The following ARHGAP20 variants were observed in gnomAD, a reference collection of about 807,000 sequenced individuals.
The protein encoded by ARHGAP20 is rho GTPase-activating protein 20.
In ARHGAP20, 34 loss-of-function variants were observed where a neutral mutation model predicts 73.7. That is an observed-to-expected ratio of 0.46 (90% CI 0.35 to 0.61). The LOEUF is 0.61. ARHGAP20 is among the 20% of genes least tolerant of loss of function. ARHGAP20 has a pLI of 0.00. For missense variants in ARHGAP20, 1,314 were observed against 1,420.9 expected, an observed-to-expected ratio of 0.92 and a Z score of 1.21; for synonymous variants, 523 against 518.2, an observed-to-expected ratio of 1.01 and a Z score of -0.13.
intron 2 of ARHGAP20, among the ~76,000 whole-genome samples, chr11:110,637,622 T>C (rs754331162): frequency 6.6e-6 from 1 of 152,116 alleles, no homozygotes; most frequent in Non-Finnish European, 1.5e-5. Flanking sequence ...GTACCAGCCA[T>C]GTGCCAGGCA....
rs1948837403 is a variant in ARHGAP20, at chr11:110,630,499, A to C, written c.353+129T>G. The C allele has an allele frequency of 2.5e-5, 25 of 1,007,564 alleles. No individual in the cohort carries two copies. In the South Asian group the frequency reaches 4.2e-4, roughly 17 times the overall value. 62.4% of individuals were successfully genotyped at this position (1,007,564 alleles called of 1,614,324 possible). A position where few individuals can be genotyped will look rare whatever the true frequency, so the allele number is the denominator to read the frequency against. On this transcript the variant is annotated intron_variant, in intron 3 of 14. Coordinates refer to ENST00000683387, the MANE Select transcript of ARHGAP20 (RefSeq NM_001384657.1). The stretch of plus-strand genomic sequence containing the variant: ...TTTTTTTTTGCAATGAAGGGCATAA[A>C]ATCACTTTAGATATTACCTATAGTA...
Position 110,608,975 on chromosome 11 carries a change from A to G in ARHGAP20, c.775+9T>C. On this transcript the variant is annotated intron_variant, in intron 8 of 14. Transcript: ENST00000683387. Reference sequence around the variant, plus strand: ...ATCAATGCTATCTTAGACTTTTGCAAAAACTTACCAATGAGTGGGTATGGA... The same window carrying G: ...ATCAATGCTATCTTAGACTTTTGCAGAAACTTACCAATGAGTGGGTATGGA... 2 of 1,612,266 alleles carry G rather than the reference A, an allele frequency of 1.2e-6. No homozygotes were observed. Among genetic ancestry groups the G allele is most frequent in the South Asian group, 1.1e-5 (1 of 90,750 alleles).
intron 3 of ARHGAP20, among the ~76,000 whole-genome samples, chr11:110,627,233 T>C (rs1172988201): frequency 6.6e-6 from 1 of 152,002 alleles, no homozygotes. Context: ...GGATTATAGG[T>C]GCCTGCCACT....
At chr11:110,677,056 A>C (rs934212350) in intron 2 of ARHGAP20, among the ~76,000 whole-genome samples, 1 of 152,200 alleles carries the variant, frequency 6.6e-6, no homozygotes, top group African/African-American at 2.4e-5. Context: ...ATAAATACAA[A>C]ATACAGAATG....
In ARHGAP20 at chr11:110,580,382, C is replaced by T. The variant is rs148615316; in HGVS notation, c.2564G>A (p.Arg855His). 30 of 1,614,220 alleles carry T rather than the reference C, an allele frequency of 1.9e-5. No homozygotes were observed. The highest frequency in any genetic ancestry group is 1.5e-4 in the African/African-American group (11 of 75,056). ...CSEPNIEDQN[R>H]KLTYLRGIYS... ...AATTCCCCTGAGATAGGTCAGCTTG[C>T]GGTTCTGGTCTTCTATGTTGGGCTC... Residue 855 changes from arginine to histidine, a missense_variant, in exon 15 of 15, where the codon CGC becomes CAC. This residue lies in a region of ARHGAP20 where 641 missense variants were observed against 636.9 expected (regional missense o/e 1.01). Transcript: ENST00000683387.
Position 110,579,874 on chromosome 11 carries a change from A to G in ARHGAP20, c.3072T>C (p.His1024=). 1 of 1,614,246 alleles carries G rather than the reference A, an allele frequency of 6.2e-7. No individual in the cohort carries two copies. Among genetic ancestry groups the G allele is most frequent in the Non-Finnish European group, 8.5e-7 (1 of 1,180,048 alleles). Residue 1024 remains histidine, a synonymous_variant, in exon 15 of 15, where the codon CAT becomes CAC. Coordinates refer to ENST00000683387, the MANE Select transcript of ARHGAP20 (RefSeq NM_001384657.1). ...GAAGAGTTACAGAATGCATTTGTGA[A>G]TGCCACTCCATGGTGTCCTTCTTTG... ...AYTKKDTMEW[H]SQMHSVTLHP...
At chr11:110,675,189 C>G (rs976547637) in intron 2 of ARHGAP20, among the ~76,000 whole-genome samples, 2 of 152,150 alleles carry the variant, frequency 1.3e-5, no homozygotes, top group African/African-American at 2.4e-5. Context: ...TTTGATAGAG[C>G]CAGTTTTCAA....
chr11:110,668,346 G>GT (rs985793959), intron 2 of ARHGAP20, among the ~76,000 whole-genome samples: 1 of 152,098 alleles, frequency 6.6e-6, no homozygotes, highest in Non-Finnish European at 1.5e-5. Context: ...TATACAAATT[G>GT]TTTTTTAAAG....
In ARHGAP20 at chr11:110,577,260, T is replaced by C. The variant is rs1174767911; in HGVS notation, c.*2110A>G. On this transcript the variant is annotated 3_prime_UTR_variant, in exon 15 of 15. Coordinates refer to ENST00000683387, the MANE Select transcript of ARHGAP20 (RefSeq NM_001384657.1). ...TTAGATAAAGCATCAGTCTAATATA[T>C]TATAGATTGATGGAGTATAATAAAA... The C allele has an allele frequency of 1.4e-6, 2 of 1,436,818 alleles. No individual in the cohort carries two copies. Among genetic ancestry groups the C allele is most frequent in the East Asian group, 5.1e-5 (2 of 39,156 alleles). 89.0% of individuals were successfully genotyped at this position (1,436,818 alleles called of 1,614,324 possible). A position where few individuals can be genotyped will look rare whatever the true frequency, so the allele number is the denominator to read the frequency against.
intron 9 of ARHGAP20, among the ~76,000 whole-genome samples, chr11:110,599,653 T>G (rs558324908): frequency 6.6e-6 from 1 of 152,306 alleles, no homozygotes; most frequent in East Asian, 1.9e-4. Flanking sequence ...TTTCTGGGTC[T>G]GCCCATGGCT....
chr11:110,633,483 C>A (rs1370864143), intron 2 of ARHGAP20, among the ~76,000 whole-genome samples: 1 of 152,102 alleles, frequency 6.6e-6, no homozygotes, highest in African/African-American at 2.4e-5. Flanking sequence ...TTTCTTGAGA[C>A]TGTTTTAGAT....
Position 110,606,689 on chromosome 11 carries a change from G to C in ARHGAP20, c.836C>G (p.Pro279Arg), listed in dbSNP as rs1207699517. 6.2e-7 allele frequency: 1 copy of C among 1,601,788 alleles called. No homozygotes were observed. Among genetic ancestry groups the C allele is most frequent in the African/African-American group, 1.4e-5 (1 of 73,852 alleles). The part of the protein sequence containing the change: ...SHLRDSALLT[P>R]GSKDSTTPFN... ...AGGGGTGGTAGAGTCCTTTGATCCC[G>C]GTGTCAGGAGTGCAGAGTCTCGAAG... is the stretch of plus-strand genomic sequence containing the variant. Residue 279 changes from proline to arginine, a missense_variant, in exon 9 of 15, where the codon CCG (proline) becomes CGG (arginine). Pro to Arg is a moderately radical substitution (Grantham distance 103). This residue lies in a region of ARHGAP20 where 443 missense variants were observed against 466.4 expected (regional missense o/e 0.95). Transcript: ENST00000683387.
intron 9 of ARHGAP20, among the ~76,000 whole-genome samples, chr11:110,595,095 C>T (rs892389424): frequency 1.4e-4 from 21 of 151,226 alleles, no homozygotes; most frequent in Non-Finnish European, 2.2e-4. Context: ...ATTCAACAAC[C>T]CTTCATGCTA....
Position 110,606,701 on chromosome 11 carries a change from G to A in ARHGAP20, c.824C>T (p.Ala275Val). The A allele has an allele frequency of 6.3e-7, 1 of 1,593,548 alleles. No homozygotes were observed. The highest frequency in any genetic ancestry group is 1.1e-5 in the South Asian group (1 of 89,142). ...GIKMSHLRDS[A>V]LLTPGSKDST... Reference sequence around the variant, plus strand: ...GTCCTTTGATCCCGGTGTCAGGAGTGCAGAGTCTCGAAGATGGCTCATTTT... The same window carrying A: ...GTCCTTTGATCCCGGTGTCAGGAGTACAGAGTCTCGAAGATGGCTCATTTT... The change falls in exon 9 of 15, where the codon GCA (alanine) becomes GTA (valine). Residue 275 changes from alanine (A) to valine (V), a missense_variant. Coordinates refer to ENST00000683387, the MANE Select transcript of ARHGAP20 (RefSeq NM_001384657.1).
intron 2 of ARHGAP20, among the ~76,000 whole-genome samples, chr11:110,632,282 A>G (rs1202406332): frequency 2.0e-5 from 3 of 152,200 alleles, no homozygotes; most frequent in African/African-American, 7.2e-5. Flanking sequence ...CGATGGTACC[A>G]TTTTACATTC....
At chr11:110,684,900 T>C (rs1950102030) in intron 2 of ARHGAP20, among the ~76,000 whole-genome samples, 1 of 151,690 alleles carries the variant, frequency 6.6e-6, no homozygotes, top group Non-Finnish European at 1.5e-5. Flanking sequence ...CAAAAGACAC[T>C]AGGGACTCCA....
chr11:110,663,201 A>G (rs1301622673), intron 2 of ARHGAP20, among the ~76,000 whole-genome samples: 1 of 151,684 alleles, frequency 6.6e-6, no homozygotes, highest in East Asian at 1.9e-4. Flanking sequence ...GTGGAAATCA[A>G]TGAAATAGAA....
At chr11:110,688,725 G>A (rs927880841) in intron 2 of ARHGAP20, among the ~76,000 whole-genome samples, 7 of 152,078 alleles carry the variant, frequency 4.6e-5, no homozygotes, top group Admixed American at 2.0e-4. Context: ...AGTCATTTAC[G>A]TATGACACTG....
rs143340986 is a variant in ARHGAP20 at position 110,618,659 on chromosome 11, A to G, written c.504-3065T>C. 2.3e-3 allele frequency among the ~76,000 whole-genome samples: 345 copies of G among 147,536 alleles called. 2 individuals are homozygous for G. The highest frequency in any genetic ancestry group is 0.014 in the East Asian group (70 of 4,940). ...GTGATAGCGTATATGCAGTGATAGC[A>G]TATATGCAGTGATAGAGTATATGCA... On this transcript the variant is annotated intron_variant, in intron 4 of 14. Transcript: ENST00000683387.
Sources: gnomAD v4.1 joint callset for allele counts (sites outside exome capture counted in the v4.1 genomes callset) on GRCh38, gnomAD v4.1.1 for gene constraint, gnomAD v4.1.1 regional missense constraint, MANE v1.5 for transcripts, NCBI Gene and HGNC (gene_info 2026-07-23, HGNC 2026-07-21) for gene names.